The following IL9R variants were observed in gnomAD, a reference collection of about 807,000 sequenced individuals.
The protein encoded by IL9R is interleukin-9 receptor.
Under a neutral mutation model 56.3 loss-of-function variants are expected in IL9R, and 54 were observed. The ratio of observed to expected loss-of-function variants is 0.96; its 90% confidence interval spans 0.77 to 1.20. The LOEUF (loss-of-function observed/expected upper bound fraction) is 1.20. Among genes scored for constraint, IL9R ranks in the 50% most tolerant of loss-of-function variants. The probability of loss-of-function intolerance (pLI) is 0.00; values close to 1 mark genes in which losing one functional copy is unlikely to be tolerated. For synonymous variants in IL9R, 212 were observed against 250.2 expected (o/e 0.85, Z 1.44); for missense variants, 545 against 629.8 (o/e 0.87, Z 1.44).
intron 1 of IL9R, among the ~76,000 whole-genome samples, chrX:155,999,929 C>A (rs2067398743): frequency 6.6e-6 from 1 of 151,964 alleles, no homozygotes; most frequent in Non-Finnish European, 1.5e-5. Flanking sequence ...AGTACGAGAC[C>A]AGCCTGACAA....
chrX:156,004,335 T>A (rs2067756318), intron 4 of IL9R, 85 bp from the exon 5 acceptor site: 1 of 1,425,634 alleles, frequency 7.0e-7, no homozygotes, highest in Admixed American at 1.7e-5. Flanking sequence ...CCCTTGGGAG[T>A]CTTTCAGACC....
Position 156,002,979 on chromosome X carries a change from C to G in IL9R, c.102C>G (p.Thr34=). The change falls in exon 2 of 9, where the codon ACC becomes ACG. Residue 34 remains threonine, a synonymous_variant. Transcript: ENST00000244174. ...TWLLACICIC[T]CVCLGVSVTG... ...TCCTGGCCTGCATCTGCATCTGCAC[C>G]TGTGTCTGCTTGGGAGTCTCTGTCA... is the stretch of plus-strand genomic sequence containing the variant. 2 of 1,613,882 alleles carry G rather than the reference C, an allele frequency of 1.2e-6. No individual in the cohort carries two copies. Among genetic ancestry groups the G allele is most frequent in the Non-Finnish European group, 1.7e-6 (2 of 1,179,854 alleles).
chrX:156,001,566 G>T (rs1190046383), intron 1 of IL9R: 2 of 1,214,440 alleles, frequency 1.6e-6, no homozygotes, highest in Non-Finnish European at 2.4e-6. Context: ...ACCTGTATAC[G>T]CTGCCGGGAG....
rs372310092 is a variant in IL9R, at chrX:156,010,013, G to A, written c.1170G>A (p.Glu390=). ...GTRLPGNLSS[E]DVLPAGCTEW... Reference sequence around the variant, plus strand: ...GGCTCCCGGGGAACCTGAGCTCAGAGGATGTGCTGCCAGCAGGGTGTACGG... The same window carrying A: ...GGCTCCCGGGGAACCTGAGCTCAGAAGATGTGCTGCCAGCAGGGTGTACGG... Residue 390 remains glutamate, a synonymous_variant, in exon 9 of 9, where the codon GAG becomes GAA. Coordinates refer to ENST00000244174, the MANE Select transcript of IL9R (RefSeq NM_002186.3). 120 of 1,555,566 alleles carry A rather than the reference G, an allele frequency of 7.7e-5. 3 individuals are homozygous for A. The highest frequency in any genetic ancestry group is 9.7e-5 in the Non-Finnish European group (112 of 1,154,088).
chrX:155,999,203 G>T (rs745497093), intron 1 of IL9R, among the ~76,000 whole-genome samples: 8 of 152,002 alleles, frequency 5.3e-5, no homozygotes, highest in African/African-American at 1.9e-4. Context: ...TCTCCTCCAC[G>T]CCTCTCTGTA....
At chrX:156,004,953 GTGTA>G (rs1276878120) in intron 5 of IL9R, among the ~76,000 whole-genome samples, 2 of 152,160 alleles carry the variant, frequency 1.3e-5, no homozygotes, top group African/African-American at 2.4e-5. Context: ...GTGTATGAGT[GTGTA>G]TGTGAGTGTG....
In IL9R at chrX:156,003,869, A is replaced by G. The variant is rs759397601; in HGVS notation, c.433+14A>G. 1.9e-5 allele frequency: 30 copies of G among 1,613,654 alleles called. No individual in the cohort carries two copies. Among genetic ancestry groups the G allele is most frequent in the Middle Eastern group, 1.7e-4 (1 of 5,930 alleles). On this transcript the variant is annotated intron_variant, in intron 4 of 8. Coordinates refer to ENST00000244174, the MANE Select transcript of IL9R (RefSeq NM_002186.3). ...CCCGGAGACACGGTGAGCAGCAGCT[A>G]TAGGTCTGGGGCGGGGCCGCTTGGC...
intron 5 of IL9R, among the ~76,000 whole-genome samples, chrX:156,005,045 C>G (rs2067823185): frequency 6.6e-6 from 1 of 151,966 alleles, no homozygotes; most frequent in Non-Finnish European, 1.5e-5. Context: ...TTCCTGTAGA[C>G]ATGTTTGCCT....
Position 156,006,048 on chromosome X carries a change from G to C in IL9R, c.782-35G>C, listed in dbSNP as rs368673086. The C allele has an allele frequency of 1.9e-4, 239 of 1,266,314 alleles. 1 individual carries two copies. The highest frequency in any genetic ancestry group is 1.8e-3 in the African/African-American group (121 of 67,322). 78.4% of individuals were successfully genotyped at this position (1,266,314 alleles called of 1,614,324 possible). On this transcript the variant is annotated intron_variant, in intron 6 of 8. Coordinates refer to ENST00000244174, the MANE Select transcript of IL9R (RefSeq NM_002186.3). The stretch of plus-strand genomic sequence containing the variant: ...TTTGGGGGGAGCCTCCTGGCACTGA[G>C]GCTGCTCACAGCCCTGGGCCCTTCC...
chrX:156,003,935 G>A, intron 4 of IL9R, 80 bp downstream of exon 4: 4 of 1,449,218 alleles, frequency 2.8e-6, no homozygotes, highest in South Asian at 2.5e-5. Flanking sequence ...GCAGGGCCTT[G>A]CAGCCTGTGA....
chrX:156,006,005 G>A (rs1438761120), intron 6 of IL9R, 78 bp from the exon 7 acceptor site: 29 of 696,966 alleles, frequency 4.2e-5, no homozygotes, highest in Admixed American at 1.0e-4. Context: ...ACTAAAGGGC[G>A]CACCTTTGCC....
intron 1 of IL9R, among the ~76,000 whole-genome samples, chrX:156,000,744 G>A (rs1173254532): frequency 1.3e-5 from 2 of 152,228 alleles, no homozygotes; most frequent in East Asian, 3.9e-4. Context: ...GATGGGGGAA[G>A]GCAGCTCTGC....
chrX:155,998,785 G>A (rs1475253371), intron 1 of IL9R, among the ~76,000 whole-genome samples: 5 of 151,996 alleles, frequency 3.3e-5, no homozygotes, highest in African/African-American at 7.3e-5. Flanking sequence ...TGATCAAACA[G>A]GGTCTTGCCT....
chrX:156,008,975 C>A (rs1406994415), intron 8 of IL9R, among the ~76,000 whole-genome samples: 1 of 113,156 alleles, frequency 8.8e-6, no homozygotes, highest in African/African-American at 3.8e-5. Flanking sequence ...GTGTGTGTGT[C>A]TGTGTGTGTT....
chrX:156,003,523 C>T lies in IL9R; in HGVS notation c.217C>T (p.Leu73=). 6.2e-7 allele frequency: 1 copy of T among 1,612,900 alleles called. No homozygotes were observed. Among genetic ancestry groups the T allele is most frequent in the Non-Finnish European group, 8.5e-7 (1 of 1,179,736 alleles). Reference sequence around the variant, plus strand: ...CGATTGCCACTGGTCTGCCCCAGAGCTGGGACAGGGCTCCAGCCCCTGGCT... The same window carrying T: ...CGATTGCCACTGGTCTGCCCCAGAGTTGGGACAGGGCTCCAGCCCCTGGCT... ...RIDCHWSAPE[L]GQGSSPWLLF... The change falls in exon 3 of 9, where the codon CTG becomes TTG. Residue 73 remains leucine (L), a synonymous_variant. Transcript: ENST00000244174.
In IL9R at chrX:156,003,492, C is replaced by G; in HGVS notation, c.186C>G (p.Leu62=). ...RTFTCLTNNI[L]RIDCHWSAPE... is the part of the protein sequence containing the mutation. ...TCACCTGCCTCACCAACAACATTCT[C>G]AGGATCGATTGCCACTGGTCTGCCC... The change falls in exon 3 of 9, where the codon CTC becomes CTG. Residue 62 remains leucine (L), a synonymous_variant. Coordinates refer to ENST00000244174, the MANE Select transcript of IL9R (RefSeq NM_002186.3). The G allele has an allele frequency of 6.2e-7, 1 of 1,612,316 alleles. No homozygotes were observed. The highest frequency in any genetic ancestry group is 8.5e-7 in the Non-Finnish European group (1 of 1,179,820).
At chrX:155,998,441 G>C (rs1487133003) in intron 1 of IL9R, among the ~76,000 whole-genome samples, 1 of 152,012 alleles carries the variant, frequency 6.6e-6, no homozygotes, top group Non-Finnish European at 1.5e-5. Context: ...TGGAGGATGT[G>C]GGCCCTGCTT....
chrX:155,997,868 C>G, intron 1 of IL9R, 81 bp downstream of exon 1: 3 of 1,333,904 alleles, frequency 2.2e-6, no homozygotes, highest in Non-Finnish European at 3.2e-6. Context: ...GGCCCTCCAA[C>G]TCGGGGCCCA....
At chrX:156,003,094 T>C (rs1430741668) in intron 2 of IL9R, 75 bp downstream of exon 2, 107 of 1,583,600 alleles carry the variant, frequency 6.8e-5, no homozygotes, top group Admixed American at 8.4e-5. Flanking sequence ...GGTTGTCCGA[T>C]GTCAAGCCTC....
Sources: allele counts gnomAD v4.1 joint callset (sites outside exome capture counted in the v4.1 genomes callset), GRCh38; gene constraint gnomAD v4.1.1; transcripts MANE v1.5; gene names NCBI Gene and HGNC (gene_info 2026-07-23, HGNC 2026-07-21).